ATXN1: variants seen among roughly 807,000 people sequenced by gnomAD.
ATXN1 encodes ataxin-1.
ATXN1 carries 8 observed loss-of-function variants against 56.4 expected under a neutral mutation model. That is an observed-to-expected ratio of 0.14 (90% CI 0.08 to 0.26). The LOEUF (loss-of-function observed/expected upper bound fraction) is 0.26, where lower values mean the gene tolerates loss of function less well. Among genes scored for constraint, ATXN1 ranks in the 10% least tolerant of loss-of-function variants. The pLI is 1.00. For synonymous variants in ATXN1, 514 were observed against 494.6 expected, an observed-to-expected ratio of 1.04 and a Z score of -0.52; for missense variants, 987 against 1,106.5, an observed-to-expected ratio of 0.89 and a Z score of 1.53.
At chr6:16,477,404 T>C (rs1760347771) in intron 6 of ATXN1, among the ~76,000 whole-genome samples, 1 of 152,246 alleles carries the variant, frequency 6.6e-6, no homozygotes, top group Admixed American at 6.5e-5. Context: ...AAAAGTCATT[T>C]AGTGCCAATT....
At chr6:16,731,272 C>T (rs1018543409) in intron 2 of ATXN1, among the ~76,000 whole-genome samples, 8 of 151,774 alleles carry the variant, frequency 5.3e-5, no homozygotes, top group African/African-American at 1.5e-4. Flanking sequence ...AGATAAGACC[C>T]GTATTAACAG....
chr6:16,689,082 T>TAAAC (rs1758983400), intron 2 of ATXN1, among the ~76,000 whole-genome samples: 2 of 152,084 alleles, frequency 1.3e-5, no homozygotes, highest in African/African-American at 4.8e-5. Context: ...TCCATGTATT[T>TAAAC]AAACACACTG....
At chr6:16,553,903 G>A (rs754276709) in intron 4 of ATXN1, among the ~76,000 whole-genome samples, 27 of 152,172 alleles carry the variant, frequency 1.8e-4, no homozygotes, top group Non-Finnish European at 3.2e-4. Flanking sequence ...TCTTAAAATA[G>A]GGAAAGCTTT....
chr6:16,721,663 C>T lies in ATXN1; in HGVS notation c.-615+31570G>A, dbSNP rs558050775. Reference sequence around the variant, plus strand: ...ATAAATAAATACGTACCAGGTATGTCTGCAATGCAGATTTAATGTAATAAT... The same window carrying T: ...ATAAATAAATACGTACCAGGTATGTTTGCAATGCAGATTTAATGTAATAAT... On this transcript the variant is annotated intron_variant, in intron 2 of 7. Transcript: ENST00000436367. Among the ~76,000 whole-genome samples the T allele has an allele frequency of 2.0e-5, 3 of 152,220 alleles. No individual in the cohort carries two copies. The South Asian group carries it at 6.2e-4, about 32-fold the overall frequency.
intron 6 of ATXN1, among the ~76,000 whole-genome samples, chr6:16,428,118 C>CTTTTTT (rs10650162): frequency 7.5e-6 from 1 of 133,520 alleles, no homozygotes; most frequent in African/African-American, 2.8e-5. Context: ...TAGACCAGGC[C>CTTTTTT]TTTTTTTTTT....
At chr6:16,749,700 A>G (rs1298802559) in intron 2 of ATXN1, among the ~76,000 whole-genome samples, 1 of 151,496 alleles carries the variant, frequency 6.6e-6, no homozygotes, top group Non-Finnish European at 1.5e-5. Context: ...TGTTGAAGCT[A>G]CTCTCCGCTG....
chr6:16,531,898 A>G (rs1372497356), intron 4 of ATXN1, among the ~76,000 whole-genome samples: 1 of 152,240 alleles, frequency 6.6e-6, no homozygotes, highest in African/African-American at 2.4e-5. Flanking sequence ...ACATCACTAC[A>G]TTATATATAC....
At chr6:16,642,351 C>T (rs9477194) in intron 3 of ATXN1, among the ~76,000 whole-genome samples, 2,089 of 152,176 alleles carry the variant, frequency 0.014, 53 homozygotes, top group African/African-American at 0.047. Context: ...GCCGAGATCG[C>T]GCCACTGCAC....
At chr6:16,352,615 G>A (rs530523417) in intron 6 of ATXN1, among the ~76,000 whole-genome samples, 14 of 152,044 alleles carry the variant, frequency 9.2e-5, no homozygotes, top group Non-Finnish European at 1.6e-4. Context: ...AAGGCACATC[G>A]AGGGCTCCCT....
chr6:16,310,103 T>C (rs894203725), intron 7 of ATXN1, among the ~76,000 whole-genome samples: 2 of 149,686 alleles, frequency 1.3e-5, no homozygotes, highest in East Asian at 3.9e-4. Context: ...AAAATACATA[T>C]TATCTCCAAA....
At chr6:16,719,158 T>C (rs144556313) in intron 2 of ATXN1, among the ~76,000 whole-genome samples, 34 of 152,364 alleles carry the variant, frequency 2.2e-4, no homozygotes, top group Middle Eastern at 6.8e-3. Context: ...GAATTTATGA[T>C]ACAAGCAAAA....
At chr6:16,371,004 T>C (rs1018060114) in intron 6 of ATXN1, among the ~76,000 whole-genome samples, 1 of 152,164 alleles carries the variant, frequency 6.6e-6, no homozygotes, top group Non-Finnish European at 1.5e-5. Flanking sequence ...GTGGCTAAGA[T>C]GGAGTCCCTA....
intron 6 of ATXN1, among the ~76,000 whole-genome samples, chr6:16,368,684 G>A (rs958666466): frequency 3.9e-5 from 6 of 152,016 alleles, no homozygotes; most frequent in African/African-American, 1.4e-4. Context: ...CATATTCAAG[G>A]AATAAGCTAT....
At chr6:16,367,438 C>T (rs896073379) in intron 6 of ATXN1, among the ~76,000 whole-genome samples, 1 of 151,708 alleles carries the variant, frequency 6.6e-6, no homozygotes, top group Non-Finnish European at 1.5e-5. Flanking sequence ...CCTGGAAATA[C>T]AATCCTAAGT....
intron 6 of ATXN1, among the ~76,000 whole-genome samples, chr6:16,386,394 A>G (rs890850030): frequency 6.6e-6 from 1 of 152,226 alleles, no homozygotes; most frequent in Non-Finnish European, 1.5e-5. Flanking sequence ...GGGGCTGAGA[A>G]CATTTTAACA....
chr6:16,719,606 T>C (rs897803339), intron 2 of ATXN1, among the ~76,000 whole-genome samples: 2 of 152,182 alleles, frequency 1.3e-5, no homozygotes, highest in African/African-American at 4.8e-5. Flanking sequence ...ATGGCCTTTG[T>C]GACAACCCAT....
At chr6:16,414,752 G>A (rs963220374) in intron 6 of ATXN1, among the ~76,000 whole-genome samples, 6 of 152,194 alleles carry the variant, frequency 3.9e-5, no homozygotes, top group African/African-American at 7.2e-5. Context: ...ACAGCTTACT[G>A]AAAATATACA....
At chr6:16,729,305 T>G (rs1207234968) in intron 2 of ATXN1, among the ~76,000 whole-genome samples, 2 of 152,186 alleles carry the variant, frequency 1.3e-5, no homozygotes, top group Non-Finnish European at 2.9e-5. Flanking sequence ...GGGTGAGCGG[T>G]AAATGAATAA....
At chr6:16,532,719 C>G (rs1761529092) in intron 4 of ATXN1, among the ~76,000 whole-genome samples, 2 of 151,996 alleles carry the variant, frequency 1.3e-5, no homozygotes, top group South Asian at 2.1e-4. Context: ...AAAACAACCC[C>G]CAAAACAAGA....
Sources: allele counts gnomAD v4.1 joint callset (sites outside exome capture counted in the v4.1 genomes callset), GRCh38; gene constraint gnomAD v4.1.1; transcripts MANE v1.5; gene names NCBI Gene and HGNC (gene_info 2026-07-23, HGNC 2026-07-21).